Variants in PTPN1 observed in about 807,000 individuals in gnomAD.
The protein encoded by PTPN1 is protein tyrosine phosphatase non-receptor type 1.
A neutral mutation model predicts 59.9 loss-of-function variants in PTPN1; 12 were observed. That is an observed-to-expected ratio of 0.20 (90% CI 0.13 to 0.32). The LOEUF (loss-of-function observed/expected upper bound fraction) is 0.32. Ranked by LOEUF, PTPN1 falls within the 10% of genes least tolerant of loss-of-function variation. The probability of loss-of-function intolerance (pLI) is 1.00; values close to 1 mark genes in which losing one functional copy is unlikely to be tolerated. For synonymous variants in PTPN1, 178 were observed against 203.6 expected, an observed-to-expected ratio of 0.87 and a Z score of 1.07; for missense variants, 356 against 549.2, an observed-to-expected ratio of 0.65 and a Z score of 3.52.
intron 8 of PTPN1, 49 bp downstream of exon 8, chr20:50,579,975 T>G: frequency 6.5e-7 from 1 of 1,546,316 alleles, no homozygotes; most frequent in Non-Finnish European, 8.9e-7. Context: ...AATGACTTTC[T>G]GTTCTAGAAA....
At chr20:50,519,677 G>C (rs761674113) in intron 1 of PTPN1, among the ~76,000 whole-genome samples, 4 of 152,162 alleles carry the variant, frequency 2.6e-5, no homozygotes, top group Non-Finnish European at 5.9e-5. Flanking sequence ...GGGCAAAACT[G>C]TGCTCCCGTA....
chr20:50,562,836 T>C (rs1214579001), intron 2 of PTPN1, among the ~76,000 whole-genome samples: 1 of 152,226 alleles, frequency 6.6e-6, no homozygotes, highest in Non-Finnish European at 1.5e-5. Context: ...TTCACCTCTT[T>C]GACATGGTGC....
chr20:50,563,789 G>T (rs986423338), intron 2 of PTPN1, among the ~76,000 whole-genome samples: 3 of 152,016 alleles, frequency 2.0e-5, no homozygotes, highest in African/African-American at 7.3e-5. Flanking sequence ...AGAAATAAAG[G>T]TCCCCACCTG....
At chr20:50,556,376 G>A (rs1375655873) in intron 1 of PTPN1, among the ~76,000 whole-genome samples, 1 of 151,924 alleles carries the variant, frequency 6.6e-6, no homozygotes, top group East Asian at 1.9e-4. Context: ...GTATTGTAGA[G>A]ACGAGGCATC....
Position 50,582,874 on chromosome 20 carries a change from G to T in PTPN1, c.*159G>T. The T allele has an allele frequency of 1.3e-6, 1 of 782,060 alleles. No homozygotes were observed. Among genetic ancestry groups the T allele is most frequent in the East Asian group, 2.7e-5 (1 of 37,242 alleles). The allele number at this position is 782,060 out of a possible 1,614,324, so 48.4% of individuals were successfully genotyped here. ...TTCTGCACTAAAACCCATCTTCCCC[G>T]GATGTGTGTCTCACCCCTCATCCTT... is the stretch of plus-strand genomic sequence containing the variant. On this transcript the variant is annotated 3_prime_UTR_variant, in exon 10 of 10. Transcript: ENST00000371621. The surrounding 1 kb of genome is among the most constrained non-coding windows in gnomAD (Gnocchi z 4.2).
At chr20:50,524,569 C>CTTTTTT (rs764474360) in intron 1 of PTPN1, among the ~76,000 whole-genome samples, 653 of 45,760 alleles carry the variant, frequency 0.014, 157 homozygotes, top group African/African-American at 0.028. Context: ...ATTATGTGGT[C>CTTTTTT]TTTTTTTTTT....
chr20:50,514,722 A>G (rs943610684), intron 1 of PTPN1, among the ~76,000 whole-genome samples: 2 of 152,126 alleles, frequency 1.3e-5, no homozygotes, highest in African/African-American at 4.8e-5. Flanking sequence ...TACAGTGTTT[A>G]TGCTGATTTG....
chr20:50,580,239 C>A (rs965982786), intron 8 of PTPN1, among the ~76,000 whole-genome samples: 5 of 152,168 alleles, frequency 3.3e-5, no homozygotes, highest in Admixed American at 6.5e-5. Flanking sequence ...ACAGCGCCCT[C>A]CCCCAGGTTT....
chr20:50,517,555 G>A lies in PTPN1; in HGVS notation c.63+6965G>A, dbSNP rs6095991. ...ATTACAGGTGTGAGCCACTGTGCCC[G>A]GCCCAGCCCTTTTTTTAAGAGAAAA... On this transcript the variant is annotated intron_variant, in intron 1 of 9. Transcript: ENST00000371621. 5.5e-3 allele frequency among the ~76,000 whole-genome samples: 834 copies of A among 152,228 alleles called. 9 individuals carry two copies. The highest frequency in any genetic ancestry group is 0.019 in the African/African-American group (794 of 41,526).
intron 4 of PTPN1, 81 bp from the exon 5 acceptor site, chr20:50,574,436 T>C: frequency 7.3e-7 from 1 of 1,378,938 alleles, no homozygotes; most frequent in Non-Finnish European, 9.8e-7. Context: ...ATCATGAAGC[T>C]TGTGGGATGT....
intron 1 of PTPN1, among the ~76,000 whole-genome samples, chr20:50,531,221 T>G (rs2082599594): frequency 6.6e-6 from 1 of 152,212 alleles, no homozygotes; most frequent in South Asian, 2.1e-4. Context: ...ATTCTGCTTC[T>G]CTCGTTTAGA....
chr20:50,549,218 G>A (rs948225583), intron 1 of PTPN1, among the ~76,000 whole-genome samples: 2 of 152,164 alleles, frequency 1.3e-5, no homozygotes, highest in African/African-American at 4.8e-5. Flanking sequence ...GAGCCTAGCT[G>A]TGCCTTTATG....
intron 4 of PTPN1, chr20:50,573,822 C>T (rs1410837650): frequency 1.3e-5 from 2 of 152,086 alleles, no homozygotes; most frequent in Non-Finnish European, 2.9e-5. Flanking sequence ...TTGTCTTAGA[C>T]CCTAAATGAA....
intron 8 of PTPN1, among the ~76,000 whole-genome samples, chr20:50,580,245 G>T (rs976575123): frequency 2.6e-5 from 4 of 152,190 alleles, no homozygotes; most frequent in African/African-American, 9.7e-5. Context: ...CCCTCCCCCA[G>T]GTTTCCGGAC....
intron 1 of PTPN1, among the ~76,000 whole-genome samples, chr20:50,517,437 G>A (rs1386464088): frequency 6.6e-6 from 1 of 151,794 alleles, no homozygotes; most frequent in African/African-American, 2.4e-5. Flanking sequence ...GTATTTTTTT[G>A]GAGTAGAGAT....
intron 1 of PTPN1, among the ~76,000 whole-genome samples, chr20:50,537,251 A>G (rs1235061034): frequency 6.6e-6 from 1 of 152,188 alleles, no homozygotes; most frequent in Non-Finnish European, 1.5e-5. Context: ...TGAACTCCGG[A>G]GGCAGAGGTT....
chr20:50,575,740 C>T (rs1292195013), intron 5 of PTPN1, among the ~76,000 whole-genome samples: 1 of 152,120 alleles, frequency 6.6e-6, no homozygotes, highest in African/African-American at 2.4e-5. Context: ...GCTTGGGCAA[C>T]ATAGTGAGAC....
At chr20:50,541,849 T>G (rs530988361) in intron 1 of PTPN1, among the ~76,000 whole-genome samples, 2 of 152,250 alleles carry the variant, frequency 1.3e-5, no homozygotes, top group Admixed American at 1.3e-4. Context: ...CAAGGAGAGG[T>G]AGCAGGTCAG....
At chr20:50,549,868 A>G (rs1419976929) in intron 1 of PTPN1, among the ~76,000 whole-genome samples, 1 of 152,174 alleles carries the variant, frequency 6.6e-6, no homozygotes, top group African/African-American at 2.4e-5. Context: ...GTAGTAAATT[A>G]TATCGTTTCA....
Sources: gnomAD v4.1 joint callset for allele counts (sites outside exome capture counted in the v4.1 genomes callset) on GRCh38, gnomAD v4.1.1 for gene constraint, Gnocchi (gnomAD v3.1) non-coding constraint, MANE v1.5 for transcripts, NCBI Gene and HGNC (gene_info 2026-07-23, HGNC 2026-07-21) for gene names.